Variants in DDX46 observed in about 807,000 individuals in gnomAD.
DDX46 encodes probable ATP-dependent RNA helicase DDX46.
DDX46 carries 30 observed loss-of-function variants against 134.9 expected under a neutral mutation model. The observed-to-expected ratio is 0.22, with a 90% CI of 0.17 to 0.30. DDX46 has a LOEUF of 0.30. Among genes scored for constraint, DDX46 ranks in the 10% least tolerant of loss-of-function variants. DDX46 has a pLI of 1.00. For missense variants in DDX46, 622 were observed against 1,248.7 expected (o/e 0.50, Z 7.56); for synonymous variants, 415 against 404.1 (o/e 1.03, Z -0.32).
chr5:134,825,053 C>G (rs2150163421), intron 21 of DDX46, among the ~76,000 whole-genome samples: 1 of 152,206 alleles, frequency 6.6e-6, no homozygotes, highest in East Asian at 1.9e-4. Flanking sequence ...ACATATGTAA[C>G]CTATTACAAG....
chr5:134,779,029 T>C (rs1754046558), intron 6 of DDX46, among the ~76,000 whole-genome samples: 1 of 152,060 alleles, frequency 6.6e-6, no homozygotes, highest in Non-Finnish European at 1.5e-5. Context: ...CCTGAGTAGC[T>C]GGGATTACAG....
chr5:134,818,161 G>A (rs1033323465), intron 20 of DDX46, among the ~76,000 whole-genome samples: 2 of 151,680 alleles, frequency 1.3e-5, no homozygotes, highest in East Asian at 2.0e-4. Flanking sequence ...GCTTCACCAT[G>A]TTGTTCAGTC....
chr5:134,823,917 G>A (rs183256061), intron 21 of DDX46, among the ~76,000 whole-genome samples: 98 of 152,272 alleles, frequency 6.4e-4, no homozygotes, highest in African/African-American at 2.3e-3. Context: ...TATCATTTAA[G>A]CAAAATTAAT....
In DDX46 at chr5:134,784,559, A is replaced by G. The variant is rs1305384655; in HGVS notation, c.1342+18A>G. ...GCCAATAGGTACAATTCTTTTCATT[A>G]AACTATTTTTCAAATAACAGCTTTG... On this transcript the variant is annotated intron_variant, in intron 10 of 22. Transcript: ENST00000452510. The G allele has an allele frequency of 1.3e-6, 2 of 1,563,174 alleles. No homozygotes were observed. Among genetic ancestry groups the G allele is most frequent in the East Asian group, 2.3e-5 (1 of 43,960 alleles).
chr5:134,823,930 T>C (rs1285809401), intron 21 of DDX46, among the ~76,000 whole-genome samples: 1 of 152,242 alleles, frequency 6.6e-6, no homozygotes, highest in African/African-American at 2.4e-5. Flanking sequence ...AAATTAATAT[T>C]TTAACTGCTT....
rs553419546 is a variant in DDX46 at position 134,811,496 on chromosome 5, G to T, written c.2286+138G>T. 10 of 1,248,680 alleles carry T rather than the reference G, an allele frequency of 8.0e-6. No individual in the cohort carries two copies. In the South Asian group the frequency reaches 1.3e-4, roughly 16 times the overall value. 77.4% of individuals were successfully genotyped at this position (1,248,680 alleles called of 1,614,324 possible). On this transcript the variant is annotated intron_variant, in intron 17 of 22. Coordinates refer to ENST00000452510, the MANE Select transcript of DDX46 (RefSeq NM_001300860.2). The stretch of plus-strand genomic sequence containing the variant: ...TTTATTTCTCTCTAGAGGGAAAAAT[G>T]AGTGAAAGCTAAAATCCTATCTTAT...
intron 21 of DDX46, among the ~76,000 whole-genome samples, chr5:134,821,529 GTTTTTTGT>G (rs1755450314): frequency 7.0e-6 from 1 of 143,392 alleles, no homozygotes; most frequent in Admixed American, 6.9e-5. Context: ...TTGTTTCTGG[GTTTTTTGT>G]TTTTTTTTTT....
intron 15 of DDX46, among the ~76,000 whole-genome samples, chr5:134,806,072 G>C (rs967670785): frequency 1.3e-5 from 2 of 152,074 alleles, no homozygotes; most frequent in Admixed American, 6.5e-5. Context: ...AATTAGCCAG[G>C]CATGGTGACA....
At chr5:134,760,380 G>T (rs1753340443) in intron 1 of DDX46, among the ~76,000 whole-genome samples, 1 of 152,168 alleles carries the variant, frequency 6.6e-6, no homozygotes, top group Admixed American at 6.6e-5. Context: ...CAATTTTTCT[G>T]CATATGTAGG....
At position 134,785,432 on chromosome 5, in the gene DDX46, G is replaced by T. The variant is rs761909272; in HGVS notation, c.1343-33G>T. ...ATAAAGCACAGCCTTAAGAATTTTG[G>T]TGGTTAGGCTACTGATGTATTTATC... On this transcript the variant is annotated intron_variant, in intron 10 of 22. Transcript: ENST00000452510. The T allele has an allele frequency of 1.8e-5, 28 of 1,598,818 alleles. No homozygotes were observed. In the South Asian group the frequency reaches 2.7e-4, roughly 16 times the overall value.
At chr5:134,760,640 A>G (rs1022553792) in intron 1 of DDX46, among the ~76,000 whole-genome samples, 2 of 152,246 alleles carry the variant, frequency 1.3e-5, no homozygotes, top group African/African-American at 4.8e-5. Flanking sequence ...GATATGTCTG[A>G]TATAGAATAG....
Position 134,785,469 on chromosome 5 carries a change from C to T in DDX46, c.1347C>T (p.Val449=). The T allele has an allele frequency of 1.2e-6, 2 of 1,612,692 alleles. No individual in the cohort carries two copies. The highest frequency in any genetic ancestry group is 2.2e-5 in the South Asian group (2 of 90,752). Reference sequence around the variant, plus strand: ...CTGATGTATTTATCTTTCCAGCTGTCATCATGACTCCAACTCGAGAACTGG... The same window carrying T: ...CTGATGTATTTATCTTTCCAGCTGTTATCATGACTCCAACTCGAGAACTGG... ...SLEEGEGPIA[V]IMTPTRELAL... Residue 449 remains valine, a synonymous_variant, in exon 11 of 23, where the codon GTC becomes GTT. Coordinates refer to ENST00000452510, the MANE Select transcript of DDX46 (RefSeq NM_001300860.2).
intron 11 of DDX46, among the ~76,000 whole-genome samples, chr5:134,788,178 G>A (rs1301293944): frequency 6.6e-6 from 1 of 151,950 alleles, no homozygotes. Flanking sequence ...AGGCTGGAGT[G>A]CAAGGATGTG....
intron 18 of DDX46, among the ~76,000 whole-genome samples, chr5:134,815,434 G>A (rs1314683387): frequency 2.0e-5 from 3 of 151,764 alleles, no homozygotes; most frequent in East Asian, 1.9e-4. Context: ...GCAGGCTGGC[G>A]GTGGTGGCTC....
rs200408238 is a variant in DDX46 at position 134,766,909 on chromosome 5, C to G, written c.207-8C>G. On this transcript the variant is annotated splice_polypyrimidine_tract_variant and splice_region_variant and intron_variant, in intron 2 of 22. Transcript: ENST00000452510. ...TCATAGAATAAATGAAAAGTGTCCCCCTTTCAGACGTTCCAGAAGTAGAGA... is the reference window on the plus strand; with the variant it reads ...TCATAGAATAAATGAAAAGTGTCCCGCTTTCAGACGTTCCAGAAGTAGAGA... The G allele has an allele frequency of 2.5e-6, 4 of 1,608,642 alleles. No individual in the cohort carries two copies. In the East Asian group the frequency reaches 8.9e-5, roughly 36 times the overall value.
chr5:134,811,148 GATTTTATCTT>G, intron 16 of DDX46, 63 bp from the exon 17 acceptor site: 1 of 1,356,754 alleles, frequency 7.4e-7, no homozygotes, highest in Non-Finnish European at 1.0e-6. Flanking sequence ...AGGTGGATCA[GATTTTATCTT>G]ATGATCTAAG....
At chr5:134,811,996 T>A in intron 18 of DDX46, 151 bp downstream of exon 18, 1 of 673,840 alleles carries the variant, frequency 1.5e-6, no homozygotes, top group Non-Finnish European at 2.3e-6. Context: ...GCCTACTACA[T>A]ACCAGTACCC....
chr5:134,827,279 C>T (rs1755615719), intron 22 of DDX46, among the ~76,000 whole-genome samples: 2 of 145,130 alleles, frequency 1.4e-5, no homozygotes, highest in Admixed American at 6.9e-5. Flanking sequence ...CTTTTCTTTT[C>T]TTTTTTTTTT....
chr5:134,812,601 CT>C (rs1755176904), intron 18 of DDX46, among the ~76,000 whole-genome samples: 1 of 152,120 alleles, frequency 6.6e-6, no homozygotes, highest in South Asian at 2.1e-4. Context: ...CCCAGTTGTC[CT>C]ATTAACCTTA....
Sources: gnomAD v4.1 joint callset for allele counts (sites outside exome capture counted in the v4.1 genomes callset) on GRCh38, gnomAD v4.1.1 for gene constraint, MANE v1.5 for transcripts, NCBI Gene and HGNC (gene_info 2026-07-23, HGNC 2026-07-21) for gene names.